Variants in ATP9B observed in about 807,000 individuals in gnomAD.
ATP9B encodes probable phospholipid-transporting ATPase IIB.
ATP9B carries 110 observed loss-of-function variants against 146.1 expected under a neutral mutation model. That is an observed-to-expected ratio of 0.75 (90% CI 0.65 to 0.88). The LOEUF (loss-of-function observed/expected upper bound fraction) is 0.88, where lower values mean the gene tolerates loss of function less well. Among genes scored for constraint, ATP9B ranks in the 40% least tolerant of loss-of-function variants. The probability of loss-of-function intolerance (pLI) is 0.00; values close to 1 mark genes in which losing one functional copy is unlikely to be tolerated. For missense variants in ATP9B, 1,499 were observed against 1,496.4 expected (o/e 1.00, Z -0.03); for synonymous variants, 604 against 569.7 (o/e 1.06, Z -0.86).
chr18:79,142,435 G>GA (rs900461177), intron 5 of ATP9B, among the ~76,000 whole-genome samples: 2 of 152,076 alleles, frequency 1.3e-5, no homozygotes, highest in Non-Finnish European at 2.9e-5. Context: ...CAGAGAATGT[G>GA]AAAAAAATAG....
At chr18:79,197,013 C>A (rs1359562337) in intron 9 of ATP9B, among the ~76,000 whole-genome samples, 1 of 152,120 alleles carries the variant, frequency 6.6e-6, no homozygotes, top group Admixed American at 6.5e-5. Context: ...TTTTATTGAA[C>A]TTTGTTCCCC....
intron 13 of ATP9B, among the ~76,000 whole-genome samples, chr18:79,287,054 A>T (rs1012328202): frequency 6.6e-6 from 1 of 152,200 alleles, no homozygotes. Context: ...ATCAGTGTTC[A>T]TCAAGGATAC....
chr18:79,282,298 A>C (rs2096386069), intron 13 of ATP9B, among the ~76,000 whole-genome samples: 1 of 152,250 alleles, frequency 6.6e-6, no homozygotes, highest in African/African-American at 2.4e-5. Context: ...CATCGACTTC[A>C]GTTTCAAATG....
intron 26 of ATP9B, among the ~76,000 whole-genome samples, chr18:79,368,155 C>A (rs1308132958): frequency 6.6e-6 from 1 of 152,236 alleles, no homozygotes; most frequent in African/African-American, 2.4e-5. Context: ...GCTGCTTCTG[C>A]AGCTTCCCTG....
chr18:79,261,285 C>T (rs967567035), intron 12 of ATP9B, among the ~76,000 whole-genome samples: 1 of 152,124 alleles, frequency 6.6e-6, no homozygotes, highest in African/African-American at 2.4e-5. Flanking sequence ...CATATGAAAT[C>T]TGTGAGTGGG....
intron 25 of ATP9B, among the ~76,000 whole-genome samples, chr18:79,351,714 G>A (rs542552662): frequency 1.3e-5 from 2 of 152,310 alleles, no homozygotes; most frequent in South Asian, 2.1e-4. Context: ...CTTTCCTGAA[G>A]CAAGAGGCCC....
At chr18:79,287,429 A>G (rs1018634582) in intron 13 of ATP9B, among the ~76,000 whole-genome samples, 1 of 152,096 alleles carries the variant, frequency 6.6e-6, no homozygotes, top group Non-Finnish European at 1.5e-5. Flanking sequence ...GTATTCTCTG[A>G]TGGTAGTTTG....
At chr18:79,313,896 A>G (rs150240192) in intron 15 of ATP9B, among the ~76,000 whole-genome samples, 2,326 of 152,350 alleles carry the variant, frequency 0.015, 63 homozygotes, top group African/African-American at 0.054. Flanking sequence ...AGACTTCATC[A>G]TAATTTTTAA....
chr18:79,336,135 G>A (rs538431732), intron 17 of ATP9B, among the ~76,000 whole-genome samples: 3 of 149,176 alleles, frequency 2.0e-5, no homozygotes, highest in Admixed American at 6.7e-5. Flanking sequence ...CGCTCCCCTC[G>A]CCCGTCCCCA....
intron 4 of ATP9B, among the ~76,000 whole-genome samples, chr18:79,118,695 C>T (rs59890467): frequency 0.21 from 31,774 of 151,694 alleles, 3,709 homozygotes; most frequent in East Asian, 0.5. Flanking sequence ...CCACCGTGCC[C>T]GGCCAATTAT....
At chr18:79,173,624 C>A (rs2095113800) in intron 7 of ATP9B, 1 of 444,050 alleles carries the variant, frequency 2.3e-6, no homozygotes, top group Admixed American at 2.5e-5. Context: ...AAAGTAGTTG[C>A]CATACTTGTA....
intron 5 of ATP9B, among the ~76,000 whole-genome samples, chr18:79,137,703 A>G (rs976941757): frequency 2.6e-5 from 4 of 152,224 alleles, no homozygotes; most frequent in Non-Finnish European, 5.9e-5. Flanking sequence ...CAGCCTCTGC[A>G]TGCTCTTAGA....
rs143234669 is a variant in ATP9B at position 79,203,350 on chromosome 18, G to T, written c.955-3587G>T. Among the ~76,000 whole-genome samples the T allele has an allele frequency of 4.7e-3, 720 of 151,986 alleles. 4 individuals are homozygous for T. The highest frequency in any genetic ancestry group is 0.016 in the African/African-American group (662 of 41,426). On this transcript the variant is annotated intron_variant, in intron 9 of 29. Transcript: ENST00000426216. ...GGAGGGCGTAGAGGAGCAGGCACCC[G>T]ATACTTCGTAGAGGTAGGAGGCTTA... is the stretch of plus-strand genomic sequence containing the variant.
chr18:79,255,315 C>T (rs918452856), intron 12 of ATP9B: 1 of 152,238 alleles, frequency 6.6e-6, no homozygotes, highest in African/African-American at 2.4e-5. Flanking sequence ...GAATTTACTT[C>T]TTCAGATGTG....
At chr18:79,338,267 G>A (rs2096838425) in intron 19 of ATP9B, among the ~76,000 whole-genome samples, 1 of 152,238 alleles carries the variant, frequency 6.6e-6, no homozygotes, top group African/African-American at 2.4e-5. Context: ...AGCAGCAAGA[G>A]CCTGCCCCAG....
At chr18:79,301,525 T>C (rs2096590535) in intron 13 of ATP9B, among the ~76,000 whole-genome samples, 1 of 152,198 alleles carries the variant, frequency 6.6e-6, no homozygotes, top group Non-Finnish European at 1.5e-5. Context: ...TTGTAGAACT[T>C]CATGATGGTA....
chr18:79,375,911 G>A (rs1170756109), intron 29 of ATP9B: 6 of 985,148 alleles, frequency 6.1e-6, no homozygotes, highest in South Asian at 4.7e-5. Flanking sequence ...ATGTAGATTC[G>A]AAGTATGTAA....
chr18:79,078,960 C>G (rs2072942031), intron 1 of ATP9B, among the ~76,000 whole-genome samples: 1 of 152,150 alleles, frequency 6.6e-6, no homozygotes, highest in Non-Finnish European at 1.5e-5. Context: ...CGGTTTCCAG[C>G]TTCGTCCATG....
At position 79,345,789 on chromosome 18, in the gene ATP9B, G is replaced by T; in HGVS notation, c.2632G>T (p.Asp878Tyr). The T allele has an allele frequency of 6.2e-7, 1 of 1,614,270 alleles. No individual in the cohort carries two copies. The highest frequency in any genetic ancestry group is 8.5e-7 in the Non-Finnish European group (1 of 1,180,052). ...TTGCTTCGCAGGTGATGGAGGAAAT[G>T]ATGTCAGCATGATTCAGGCAGCAGA... ...RTCAIGDGGN[D>Y]VSMIQAADCG... The change falls in exon 23 of 30, where the codon GAT (aspartate) becomes TAT (tyrosine). Residue 878 changes from aspartate to tyrosine, a missense_variant. Asp to Tyr is a radical substitution (Grantham distance 160). Coordinates refer to ENST00000426216, the MANE Select transcript of ATP9B (RefSeq NM_198531.5).
Sources: allele counts gnomAD v4.1 joint callset (sites outside exome capture counted in the v4.1 genomes callset), GRCh38; gene constraint gnomAD v4.1.1; transcripts MANE v1.5; gene names NCBI Gene and HGNC (gene_info 2026-07-23, HGNC 2026-07-21).